Variants in KCNN3 observed in about 807,000 individuals in gnomAD.
KCNN3 encodes the protein small conductance calcium-activated potassium channel protein 3.
Under a neutral mutation model 62.9 loss-of-function variants are expected in KCNN3, and 16 were observed. The ratio of observed to expected loss-of-function variants is 0.25; its 90% CI spans 0.17 to 0.39. The LOEUF (loss-of-function observed/expected upper bound fraction) is 0.39. Ranked by LOEUF, KCNN3 falls within the 10% of genes least tolerant of loss-of-function variation. KCNN3 has a pLI of 1.00. For missense variants in KCNN3, 599 were observed against 949.4 expected (o/e 0.63, Z 4.85); for synonymous variants, 370 against 389.2 (o/e 0.95, Z 0.58).
At chr1:154,824,298 C>A (rs544679349) in intron 1 of KCNN3, among the ~76,000 whole-genome samples, 41 of 152,340 alleles carry the variant, frequency 2.7e-4, no homozygotes, top group Non-Finnish European at 5.7e-4. Flanking sequence ...ATAAGAGCAG[C>A]CTGCAATCAT....
chr1:154,856,748 T>C (rs1652549841), intron 1 of KCNN3, among the ~76,000 whole-genome samples: 1 of 152,176 alleles, frequency 6.6e-6, no homozygotes, highest in Non-Finnish European at 1.5e-5. Context: ...CTGAGACAGC[T>C]TCCCAAAGCC....
chr1:154,812,074 C>T (rs1470550643), intron 2 of KCNN3, among the ~76,000 whole-genome samples: 2 of 152,198 alleles, frequency 1.3e-5, no homozygotes, highest in African/African-American at 2.4e-5. Context: ...GTGGGGTTCA[C>T]CTGCCTATGC....
intron 3 of KCNN3, among the ~76,000 whole-genome samples, chr1:154,759,688 TA>T (rs1264015677): frequency 6.6e-6 from 1 of 152,184 alleles, no homozygotes; most frequent in East Asian, 1.9e-4. Flanking sequence ...CCTCCCCAGT[TA>T]AAGAAGGAAC....
chr1:154,842,065 G>A (rs374855793), intron 1 of KCNN3, among the ~76,000 whole-genome samples: 3 of 152,190 alleles, frequency 2.0e-5, no homozygotes, highest in Non-Finnish European at 2.9e-5. Context: ...GGAGACCCCC[G>A]GGAGTGCTCC....
intron 3 of KCNN3, among the ~76,000 whole-genome samples, chr1:154,763,163 T>C (rs560914099): frequency 6.6e-6 from 1 of 152,358 alleles, no homozygotes; most frequent in African/African-American, 2.4e-5. Flanking sequence ...GTAGTTATTC[T>C]CCATTAAAAT....
chr1:154,723,775 C>T (rs568115029), intron 5 of KCNN3, among the ~76,000 whole-genome samples: 11 of 152,202 alleles, frequency 7.2e-5, no homozygotes, highest in Non-Finnish European at 1.2e-4. Context: ...GCCCTCACTC[C>T]GGCACGTAGT....
intron 1 of KCNN3, among the ~76,000 whole-genome samples, chr1:154,864,923 C>G (rs1652896424): frequency 6.6e-6 from 1 of 152,132 alleles, no homozygotes; most frequent in Non-Finnish European, 1.5e-5. Flanking sequence ...AAGAGCCATG[C>G]TGCCACACCA....
intron 3 of KCNN3, among the ~76,000 whole-genome samples, chr1:154,758,741 G>C (rs565836702): frequency 1.3e-5 from 2 of 152,326 alleles, no homozygotes; most frequent in Admixed American, 1.3e-4. Flanking sequence ...GGGGACTGGG[G>C]CCAAGTCTCA....
At chr1:154,867,997 TG>T (rs1653019376) in intron 1 of KCNN3, 1 of 985,192 alleles carries the variant, frequency 1.0e-6, no homozygotes, top group South Asian at 4.7e-5. Context: ...TCCTCCGTCT[TG>T]GGGCTGGACT....
intron 2 of KCNN3, among the ~76,000 whole-genome samples, chr1:154,791,701 AG>A (rs1175535060): frequency 2.6e-5 from 4 of 152,204 alleles, no homozygotes; most frequent in Admixed American, 2.0e-4. Context: ...CCAACTTGAG[AG>A]TGACTCTGTG....
chr1:154,825,363 C>CTT (rs1557994769), intron 1 of KCNN3, among the ~76,000 whole-genome samples: 1 of 130,390 alleles, frequency 7.7e-6, no homozygotes, highest in African/African-American at 2.8e-5. Context: ...TGATGAGAAT[C>CTT]ATTTTTTTTT....
intron 1 of KCNN3, among the ~76,000 whole-genome samples, chr1:154,852,897 C>T (rs936336443): frequency 8.5e-5 from 13 of 152,188 alleles, no homozygotes; most frequent in Non-Finnish European, 1.3e-4. Context: ...TATTCCTCTT[C>T]CCCCAGGTGG....
At chr1:154,812,804 G>A (rs1420796387) in intron 2 of KCNN3, among the ~76,000 whole-genome samples, 1 of 152,210 alleles carries the variant, frequency 6.6e-6, no homozygotes, top group Non-Finnish European at 1.5e-5. Flanking sequence ...GTTTGAGGCT[G>A]TGTTTAGGGG....
intron 5 of KCNN3, 115 bp downstream of exon 5, chr1:154,725,801 C>T (rs1460506298): frequency 1.8e-5 from 14 of 768,674 alleles, no homozygotes; most frequent in Non-Finnish European, 3.2e-5. Flanking sequence ...CCTCAGCCTC[C>T]TAAAGTGTTG....
chr1:154,820,693 G>C (rs568291671), intron 2 of KCNN3, among the ~76,000 whole-genome samples: 1 of 152,312 alleles, frequency 6.6e-6, no homozygotes, highest in South Asian at 2.1e-4. Flanking sequence ...CCACCACTCT[G>C]TCCAATTCAG....
chr1:154,724,964 C>T (rs1354771454), intron 5 of KCNN3, among the ~76,000 whole-genome samples: 1 of 151,304 alleles, frequency 6.6e-6, no homozygotes, highest in African/African-American at 2.4e-5. Flanking sequence ...TCAAGTGATT[C>T]TCCTGCCTCA....
rs1699770272 is a variant in KCNN3 at position 154,697,794 on chromosome 1, T to G, written c.*10182A>C. On this transcript the variant is annotated 3_prime_UTR_variant, in exon 8 of 8. Coordinates refer to ENST00000271915, the MANE Select transcript of KCNN3 (RefSeq NM_002249.6). The stretch of plus-strand genomic sequence containing the variant: ...CAGCAGTAGAACTGAAGCCTGTAAG[T>G]TTTCATTCACTCCTAAAGTGTGCTG... The G allele has an allele frequency of 6.6e-6, 1 of 152,194 alleles. No homozygotes were observed. Among genetic ancestry groups the G allele is most frequent in the Non-Finnish European group, 1.5e-5 (1 of 68,036 alleles). 9.4% of individuals were successfully genotyped at this position (152,194 alleles called of 1,614,324 possible). A position where few individuals can be genotyped will look rare whatever the true frequency, so the allele number is the denominator to read the frequency against.
In KCNN3 at chr1:154,862,329, G is replaced by A. The variant is rs148696262; in HGVS notation, c.933+6703C>T. ...TGAGGGTCATGAGGGACCCAGGGGTGAAAATGCCTTGTAAGATGTAAGATG... is the reference window on the plus strand; with the variant it reads ...TGAGGGTCATGAGGGACCCAGGGGTAAAAATGCCTTGTAAGATGTAAGATG... On this transcript the variant is annotated intron_variant, in intron 1 of 7. Coordinates refer to ENST00000271915, the MANE Select transcript of KCNN3 (RefSeq NM_002249.6). The surrounding 1 kb of genome is among the most constrained non-coding windows in gnomAD (Gnocchi z 4.1). Among the ~76,000 whole-genome samples, 1 of 152,284 alleles carries A rather than the reference G, an allele frequency of 6.6e-6. No individual in the cohort carries two copies. The highest frequency in any genetic ancestry group is 1.9e-4 in the East Asian group (1 of 5,176).
At chr1:154,789,472 C>T (rs887485540) in intron 2 of KCNN3, among the ~76,000 whole-genome samples, 5 of 152,104 alleles carry the variant, frequency 3.3e-5, no homozygotes, top group Admixed American at 3.3e-4. Context: ...ATGCTTTTGA[C>T]CATTGTGCTA....
Sources: gnomAD v4.1 joint callset for allele counts (sites outside exome capture counted in the v4.1 genomes callset) on GRCh38, gnomAD v4.1.1 for gene constraint, Gnocchi (gnomAD v3.1) non-coding constraint, MANE v1.5 for transcripts, NCBI Gene and HGNC (gene_info 2026-07-23, HGNC 2026-07-21) for gene names.